RPSA2: variants seen among roughly 807,000 people sequenced by gnomAD.
RPSA2 encodes small ribosomal subunit protein uS2B.
chr19:23,865,189 A>G, the RPSA2 span, among the ~76,000 whole-genome samples: 5 of 152,310 alleles, frequency 3.3e-5, 1 homozygote, highest in South Asian at 1.0e-3. Context: ...TCAGTGCTCT[A>G]AAAAAGTACT....
chr19:23,823,396 A>G, the RPSA2 span, among the ~76,000 whole-genome samples: 1 of 152,134 alleles, frequency 6.6e-6, no homozygotes, highest in East Asian at 1.9e-4. Context: ...GGGCACCTCC[A>G]TAAGCCGTAT....
chr19:23,807,798 CAT>C, the RPSA2 span: 3 of 377,984 alleles, frequency 7.9e-6, no homozygotes, highest in Non-Finnish European at 1.6e-5. Flanking sequence ...CCACTTTGTA[CAT>C]ATGTGTGTTT....
chr19:23,769,162 A>G, the RPSA2 span, among the ~76,000 whole-genome samples: 1 of 152,102 alleles, frequency 6.6e-6, no homozygotes, highest in Non-Finnish European at 1.5e-5. Context: ...GGGGATTGTG[A>G]CGTATTGCTT....
chr19:23,793,664 G>T, the RPSA2 span, among the ~76,000 whole-genome samples: 64 of 152,122 alleles, frequency 4.2e-4, no homozygotes, highest in African/African-American at 1.5e-3. Context: ...CGGAGCTCAG[G>T]TGATTCTTCT....
the RPSA2 span, among the ~76,000 whole-genome samples, chr19:23,838,694 A>G: frequency 5.9e-5 from 9 of 152,020 alleles, no homozygotes; most frequent in Non-Finnish European, 1.2e-4. Context: ...CCAGGAATTT[A>G]TCCATCTCTT....
chr19:23,791,501 A>T, the RPSA2 span, among the ~76,000 whole-genome samples: 1 of 152,136 alleles, frequency 6.6e-6, no homozygotes, highest in Non-Finnish European at 1.5e-5. Flanking sequence ...CCTGCCACTT[A>T]ATTATTTTCA....
At chr19:23,821,272 A>G in the RPSA2 span, among the ~76,000 whole-genome samples, 2 of 152,188 alleles carry the variant, frequency 1.3e-5, no homozygotes, top group African/African-American at 4.8e-5. Context: ...CATGGGGGCC[A>G]TCCCAGCGCC....
At chr19:23,797,738 A>G in the RPSA2 span, among the ~76,000 whole-genome samples, 1 of 152,296 alleles carries the variant, frequency 6.6e-6, no homozygotes, top group Non-Finnish European at 1.5e-5. Context: ...GTCTCTAAGA[A>G]CTTGCTTTAT....
the RPSA2 span, among the ~76,000 whole-genome samples, chr19:23,791,732 TTTC>T: frequency 1.3e-5 from 2 of 149,640 alleles, no homozygotes; most frequent in Non-Finnish European, 2.9e-5. Context: ...ATTTTAATCT[TTTC>T]TTTTTTTTTT....
chr19:23,817,532 A>G, the RPSA2 span: 2 of 152,224 alleles, frequency 1.3e-5, no homozygotes, highest in Admixed American at 1.3e-4. Context: ...GTATATTTAC[A>G]TTTAATATAG....
At chr19:23,860,666 T>C in the RPSA2 span, among the ~76,000 whole-genome samples, 2 of 152,200 alleles carry the variant, frequency 1.3e-5, no homozygotes, top group African/African-American at 2.4e-5. Flanking sequence ...CTAATCCATA[T>C]TGCTTTCCAC....
chr19:23,766,756 ATGTTT>A, the RPSA2 span, among the ~76,000 whole-genome samples: 13 of 71,288 alleles, frequency 1.8e-4, no homozygotes, highest in Admixed American at 2.2e-4. Context: ...GCCGGGCCAA[ATGTTT>A]TTTTTTTTTT....
the RPSA2 span, chr19:23,809,199 A>G: frequency 0.98 from 149,045 of 152,380 alleles, 72,985 homozygotes; most frequent in Middle Eastern, 1. Flanking sequence ...CACGAGAGTG[A>G]CGGTTTCTGT....
the RPSA2 span, among the ~76,000 whole-genome samples, chr19:23,852,601 GA>G: frequency 8.5e-6 from 1 of 118,206 alleles, no homozygotes; most frequent in Non-Finnish European, 1.7e-5. Context: ...TGCGGCTTAA[GA>G]ATGCCTTTGA....
At chr19:23,831,844 A>C in the RPSA2 span, 4 of 284,474 alleles carry the variant, frequency 1.4e-5, no homozygotes, top group Non-Finnish European at 3.0e-5. Context: ...ATAAATTTTT[A>C]AATTCAAACA....
chr19:23,869,409 G>A, the RPSA2 span, among the ~76,000 whole-genome samples: 2 of 109,480 alleles, frequency 1.8e-5, no homozygotes, highest in Admixed American at 1.1e-4. Context: ...ACCATGCCCG[G>A]CCCAATTGCC....
the RPSA2 span, among the ~76,000 whole-genome samples, chr19:23,857,362 T>C: frequency 6.6e-6 from 1 of 152,188 alleles, no homozygotes; most frequent in Non-Finnish European, 1.5e-5. Context: ...TAAATATCCA[T>C]GAAATCTTCA....
At chr19:23,800,010 G>T in the RPSA2 span, among the ~76,000 whole-genome samples, 5 of 148,978 alleles carry the variant, frequency 3.4e-5, no homozygotes, top group South Asian at 2.1e-4. Flanking sequence ...ATTGTGTAAT[G>T]AAAGAGTTTT....
the RPSA2 span, among the ~76,000 whole-genome samples, chr19:23,848,837 C>A: frequency 6.6e-6 from 1 of 152,326 alleles, no homozygotes; most frequent in South Asian, 2.1e-4. Flanking sequence ...CAATCATTGA[C>A]AAAATGAGCC....
Sources: allele counts gnomAD v4.1 joint callset (sites outside exome capture counted in the v4.1 genomes callset), GRCh38; gene constraint gnomAD v4.1.1; transcripts MANE v1.5; gene names NCBI Gene and HGNC (gene_info 2026-07-23, HGNC 2026-07-21).